The following MCM3AP variants were observed in gnomAD, a reference collection of about 807,000 sequenced individuals.
MCM3AP encodes germinal-center associated nuclear protein.
Under a neutral mutation model 184.1 loss-of-function variants are expected in MCM3AP, and 126 were observed. The ratio of observed to expected loss-of-function variants is 0.68; its 90% CI spans 0.59 to 0.79. MCM3AP has a LOEUF of 0.79. MCM3AP is among the 30% of genes least tolerant of loss of function. MCM3AP has a pLI of 0.00. For synonymous variants in MCM3AP, 1,002 were observed against 979.3 expected (o/e 1.02, Z -0.43); for missense variants, 2,496 against 2,479.2 (o/e 1.01, Z -0.14).
intron 20 of MCM3AP, among the ~76,000 whole-genome samples, chr21:46,249,273 G>A (rs1292313484): frequency 1.3e-5 from 2 of 152,078 alleles, no homozygotes; most frequent in African/African-American, 2.4e-5. Flanking sequence ...CTGCAGCCTC[G>A]AACTCCCAGG....
chr21:46,236,967 C>T lies in MCM3AP; in HGVS notation c.5646G>A (p.Gln1882=). The T allele has an allele frequency of 6.5e-7, 1 of 1,532,694 alleles. No individual in the cohort carries two copies. 94.9% of individuals were successfully genotyped at this position (1,532,694 alleles called of 1,614,324 possible). Reference sequence around the variant, plus strand: ...AGTCTTCAGACAACCATTGCTGAAGCTGATCTTCAAACCTGAAACAATATG... The same window carrying T: ...AGTCTTCAGACAACCATTGCTGAAGTTGATCTTCAAACCTGAAACAATATG... The part of the protein sequence containing the change: ...EKEENKRFED[Q]LQQWLSEDSG... The change falls in exon 27 of 28, where the codon CAG becomes CAA. Residue 1882 remains glutamine (Q), a synonymous_variant. Coordinates refer to ENST00000291688, the MANE Select transcript of MCM3AP (RefSeq NM_003906.5).
rs1002071129 is a variant in MCM3AP, at chr21:46,246,828, A to G, written c.4349T>C (p.Leu1450Pro). 1 of 1,614,152 alleles carries G rather than the reference A, an allele frequency of 6.2e-7. No individual in the cohort carries two copies. Among genetic ancestry groups the G allele is most frequent in the Non-Finnish European group, 8.5e-7 (1 of 1,180,026 alleles). ...AIDAVETQKD[L>P]LGASGLMLLL... ...CAGCATGAGCCCACTGGCTCCCAGGAGGTCCTTCTGTGTCTCCACAGCATC... is the reference window on the plus strand; with the variant it reads ...CAGCATGAGCCCACTGGCTCCCAGGGGGTCCTTCTGTGTCTCCACAGCATC... Residue 1450 changes from leucine (L) to proline (P), a missense_variant, in exon 21 of 28, where the codon CTC becomes CCC. Leu to Pro is a moderately conservative substitution (Grantham distance 98). Around this residue, in one of 5 missense-constraint regions of MCM3AP, gnomAD observed 1,323 missense variants for 1,273.4 expected, o/e 1.04. Coordinates refer to ENST00000291688, the MANE Select transcript of MCM3AP (RefSeq NM_003906.5).
chr21:46,251,441 A>G, intron 20 of MCM3AP, 88 bp downstream of exon 20: 1 of 1,076,764 alleles, frequency 9.3e-7, no homozygotes, highest in Non-Finnish European at 1.3e-6. Context: ...ATTAGGGAAT[A>G]AGCAGTATTT....
rs753142102 is a variant in MCM3AP at position 46,284,640 on chromosome 21, TTAC to T, written c.644_646del (p.Ser215del). 23 of 1,614,080 alleles carry T rather than the reference TTAC, an allele frequency of 1.4e-5. No homozygotes were observed. In the South Asian group the frequency reaches 1.9e-4, roughly 13 times the overall value. ...AGGGGTAAAGGCAGATAATGAATTA[TTAC>T]TACTAACAGGTTTTGAAAAGGTAAA... On this transcript the variant is annotated inframe_deletion, in exon 1 of 28. Coordinates refer to ENST00000291688, the MANE Select transcript of MCM3AP (RefSeq NM_003906.5).
Position 46,261,322 on chromosome 21 carries a change from C to G in MCM3AP, c.3425G>C (p.Arg1142Thr). ...HIAAEEVSKE[R>T]ERREQERQRA... Reference sequence around the variant, plus strand: ...CTGCCTCTCCTGCTCCCTTCGCTCTCTTTCCTTAGACACTTCTTCAGCTGC... The same window carrying G: ...CTGCCTCTCCTGCTCCCTTCGCTCTGTTTCCTTAGACACTTCTTCAGCTGC... Residue 1142 changes from arginine to threonine, a missense_variant, in exon 14 of 28, where the codon AGA becomes ACA. This residue lies in a region of MCM3AP where 1,323 missense variants were observed against 1,273.4 expected (regional missense o/e 1.04). Transcript: ENST00000291688. The G allele has an allele frequency of 6.2e-7, 1 of 1,614,224 alleles. No homozygotes were observed. Among genetic ancestry groups the G allele is most frequent in the Admixed American group, 1.7e-5 (1 of 60,028 alleles).
Position 46,251,512 on chromosome 21 carries a change from A to G in MCM3AP, c.4290+17T>C, listed in dbSNP as rs113354441. 6.3e-7 allele frequency: 1 copy of G among 1,578,640 alleles called. No individual in the cohort carries two copies. Among genetic ancestry groups the G allele is most frequent in the Non-Finnish European group, 8.7e-7 (1 of 1,152,272 alleles). ...TAATGAAAACACAGAAGTAAACACA[A>G]AGTAATTATAGTTCACCTTTATACA... On this transcript the variant is annotated intron_variant, in intron 20 of 27. Coordinates refer to ENST00000291688, the MANE Select transcript of MCM3AP (RefSeq NM_003906.5).
chr21:46,278,915 C>T (rs1419597568), intron 4 of MCM3AP, among the ~76,000 whole-genome samples: 5 of 149,930 alleles, frequency 3.3e-5, no homozygotes, highest in African/African-American at 7.4e-5. Flanking sequence ...CCTTGTGATC[C>T]GCCCGCCTTG....
At chr21:46,261,474 C>T in intron 13 of MCM3AP, 63 bp from the exon 14 acceptor site, 1 of 1,508,558 alleles carries the variant, frequency 6.6e-7, no homozygotes, top group Non-Finnish European at 9.1e-7. Context: ...GTGGCTCACG[C>T]CTGTAATCCC....
At chr21:46,270,200 C>T (rs567293125) in intron 9 of MCM3AP, 3 of 462,072 alleles carry the variant, frequency 6.5e-6, no homozygotes, top group East Asian at 6.7e-5. Context: ...TTTTCCATTG[C>T]ACAGCCTTTC....
chr21:46,263,538 C>T (rs772618455), intron 13 of MCM3AP, among the ~76,000 whole-genome samples: 2 of 151,652 alleles, frequency 1.3e-5, no homozygotes, highest in African/African-American at 4.8e-5. Flanking sequence ...AATCCCAGTA[C>T]TTTAGGAGGC....
At chr21:46,270,647 A>C in intron 8 of MCM3AP, 84 bp from the exon 9 acceptor site, 2 of 1,222,834 alleles carry the variant, frequency 1.6e-6, no homozygotes, top group Non-Finnish European at 2.3e-6. Context: ...GATAAATAAT[A>C]GATTTCACTG....
At chr21:46,249,484 C>T (rs143330827) in intron 20 of MCM3AP, 40 of 412,488 alleles carry the variant, frequency 9.7e-5, no homozygotes, top group African/African-American at 5.8e-4. Context: ...CCACTATGCG[C>T]GGCCAGGAAA....
chr21:46,275,285 A>G lies in MCM3AP; in HGVS notation c.1899T>C (p.Phe633=). 1 of 1,614,162 alleles carries G rather than the reference A, an allele frequency of 6.2e-7. No individual in the cohort carries two copies. The highest frequency in any genetic ancestry group is 1.1e-5 in the South Asian group (1 of 91,070). ...KRTDLDKART[F]VGTCLDMCPE... Reference sequence around the variant, plus strand: ...GACACATATCCAGGCAGGTGCCAACAAAAGTCCTCGCTTTGTCCAGATCGG... The same window carrying G: ...GACACATATCCAGGCAGGTGCCAACGAAAGTCCTCGCTTTGTCCAGATCGG... The change falls in exon 6 of 28, where the codon TTT becomes TTC. Residue 633 remains phenylalanine (F), a synonymous_variant. Transcript: ENST00000291688.
chr21:46,284,789 T>A lies in MCM3AP; in HGVS notation c.498A>T (p.Lys166Asn), dbSNP rs1268829095. The change falls in exon 1 of 28, where the codon AAA becomes AAT. Residue 166 changes from lysine (K) to asparagine (N), a missense_variant. This residue lies in a region of MCM3AP where 800 missense variants were observed against 717.1 expected (regional missense o/e 1.12). Coordinates refer to ENST00000291688, the MANE Select transcript of MCM3AP (RefSeq NM_003906.5). ...PILGAESEPE[K>N]TQSQIASGFF... The stretch of plus-strand genomic sequence containing the variant: ...ACCCAGAAGCAATTTGGCTCTGGGT[T>A]TTCTCTGGCTCAGATTCAGCCCCCA... 3 of 1,613,578 alleles carry A rather than the reference T, an allele frequency of 1.9e-6. No individual in the cohort carries two copies. Among genetic ancestry groups the A allele is most frequent in the Non-Finnish European group, 2.5e-6 (3 of 1,179,898 alleles).
At position 46,240,734 on chromosome 21, in the gene MCM3AP, A is replaced by C; in HGVS notation, c.5633+77T>G. 5 of 1,311,060 alleles carry C rather than the reference A, an allele frequency of 3.8e-6. No homozygotes were observed. The South Asian group carries it at 6.7e-5, about 18-fold the overall frequency. The allele number at this position is 1,311,060 out of a possible 1,614,324, so 81.2% of individuals were successfully genotyped here. On this transcript the variant is annotated intron_variant, in intron 26 of 27. Transcript: ENST00000291688. The stretch of plus-strand genomic sequence containing the variant: ...TTCTCCATCCTGGCTGTCTTATATT[A>C]ATCAAGCAATAACCAGTCTCCCCTC...
intron 8 of MCM3AP, 117 bp downstream of exon 8, chr21:46,272,444 A>G: frequency 9.1e-7 from 1 of 1,102,318 alleles, no homozygotes; most frequent in Non-Finnish European, 1.3e-6. Context: ...TCATCCCAAC[A>G]TCTGCTACCA....
rs2081107577 is a variant in MCM3AP, at chr21:46,266,024, T to C, written c.2932A>G (p.Thr978Ala). 6.2e-7 allele frequency: 1 copy of C among 1,611,628 alleles called. No individual in the cohort carries two copies. Among genetic ancestry groups the C allele is most frequent in the Non-Finnish European group, 8.5e-7 (1 of 1,178,956 alleles). ...TGGGAGTTGAAGCTGCACACAGGGG[T>C]ATGACGAGGGACGGGGGGCAATGGC... ...GGPLPPVPRH[T>A]PVCSFNSQNK... Residue 978 changes from threonine (T) to alanine (A), a missense_variant, in exon 11 of 28, where the codon ACC (threonine) becomes GCC (alanine). Physicochemically the swap from Thr to Ala is moderately conservative, Grantham distance 58. This residue lies in a region of MCM3AP where 1,323 missense variants were observed against 1,273.4 expected (regional missense o/e 1.04). Transcript: ENST00000291688.
intron 9 of MCM3AP, among the ~76,000 whole-genome samples, chr21:46,269,531 T>G (rs2081155168): frequency 6.6e-6 from 1 of 152,224 alleles, no homozygotes; most frequent in Non-Finnish European, 1.5e-5. Context: ...AAAGACCTTC[T>G]GACTGTGACA....
At chr21:46,245,552 C>T (rs1405288176) in intron 22 of MCM3AP, among the ~76,000 whole-genome samples, 5 of 152,356 alleles carry the variant, frequency 3.3e-5, no homozygotes, top group Admixed American at 6.5e-5. Flanking sequence ...GAAGGACTAA[C>T]AGCTTCACTA....
Sources: gnomAD v4.1 joint callset for allele counts (sites outside exome capture counted in the v4.1 genomes callset) on GRCh38, gnomAD v4.1.1 for gene constraint, gnomAD v4.1.1 regional missense constraint, MANE v1.5 for transcripts, NCBI Gene and HGNC (gene_info 2026-07-23, HGNC 2026-07-21) for gene names.